The following EXOC6B variants were observed in gnomAD, a reference collection of about 807,000 sequenced individuals.
The protein encoded by EXOC6B is exocyst complex component 6B.
EXOC6B carries 54 observed loss-of-function variants against 113.5 expected under a neutral mutation model. The ratio of observed to expected loss-of-function variants is 0.48; its 90% CI spans 0.38 to 0.60. The LOEUF (loss-of-function observed/expected upper bound fraction) is 0.60, where lower values mean the gene tolerates loss of function less well. EXOC6B is among the 20% of genes least tolerant of loss of function. The probability of loss-of-function intolerance (pLI) is 0.00; values close to 1 mark genes in which losing one functional copy is unlikely to be tolerated. For missense variants in EXOC6B, 797 were observed against 977.5 expected (o/e 0.82, Z 2.46); for synonymous variants, 357 against 339.0 (o/e 1.05, Z -0.58).
intron 6 of EXOC6B, among the ~76,000 whole-genome samples, chr2:72,599,787 G>A (rs1670297104): frequency 6.6e-6 from 1 of 151,796 alleles, no homozygotes; most frequent in African/African-American, 2.4e-5. Context: ...TCAAAACCCA[G>A]TGCCATTTAC....
At chr2:72,461,037 G>A (rs1166055523) in intron 18 of EXOC6B, among the ~76,000 whole-genome samples, 1 of 151,900 alleles carries the variant, frequency 6.6e-6, no homozygotes, top group Non-Finnish European at 1.5e-5. Context: ...CATAAAAAAT[G>A]ATGAGTTCAT....
intron 1 of EXOC6B, among the ~76,000 whole-genome samples, chr2:72,756,092 T>A (rs1682395210): frequency 6.6e-6 from 1 of 152,076 alleles, no homozygotes; most frequent in Non-Finnish European, 1.5e-5. Context: ...TTTAACTGTG[T>A]TGGGGCGGGG....
intron 11 of EXOC6B, among the ~76,000 whole-genome samples, chr2:72,508,162 G>T (rs1320838599): frequency 7.8e-3 from 131 of 16,762 alleles, no homozygotes; most frequent in Non-Finnish European, 0.011. Context: ...AATATTACCC[G>T]CAAAAAAAAA....
chr2:72,477,650 T>G (rs534187009), intron 17 of EXOC6B, among the ~76,000 whole-genome samples: 1 of 152,256 alleles, frequency 6.6e-6, no homozygotes, highest in Admixed American at 6.5e-5. Context: ...CAGAATACAA[T>G]GTACAGTATT....
chr2:72,514,978 CA>C, intron 9 of EXOC6B, 64 bp downstream of exon 9: 1 of 1,347,160 alleles, frequency 7.4e-7, no homozygotes, highest in African/African-American at 1.4e-5. Flanking sequence ...CACACACACA[CA>C]CGCATCAAAA....
chr2:72,566,399 A>G (rs929570671), intron 7 of EXOC6B, among the ~76,000 whole-genome samples: 1 of 152,092 alleles, frequency 6.6e-6, no homozygotes, highest in Non-Finnish European at 1.5e-5. Flanking sequence ...TCAATTATGG[A>G]TATACCACAG....
chr2:72,204,752 T>G (rs1679728874), intron 20 of EXOC6B, among the ~76,000 whole-genome samples: 1 of 152,148 alleles, frequency 6.6e-6, no homozygotes, highest in Non-Finnish European at 1.5e-5. Context: ...AGTATTATTG[T>G]GCCTTGCTTT....
chr2:72,196,855 G>A (rs1217880667), intron 20 of EXOC6B, among the ~76,000 whole-genome samples: 1 of 152,170 alleles, frequency 6.6e-6, no homozygotes, highest in Non-Finnish European at 1.5e-5. Context: ...TTGGACATAA[G>A]TGGGATTAAA....
intron 20 of EXOC6B, among the ~76,000 whole-genome samples, chr2:72,212,858 A>G (rs958289305): frequency 2.0e-5 from 3 of 152,240 alleles, no homozygotes; most frequent in Non-Finnish European, 4.4e-5. Context: ...TAAGTGGTGT[A>G]GTAGAGTGTG....
At chr2:72,255,149 T>C (rs1683277103) in intron 20 of EXOC6B, among the ~76,000 whole-genome samples, 4 of 152,160 alleles carry the variant, frequency 2.6e-5, no homozygotes, top group Admixed American at 2.6e-4. Context: ...CAGAAACAGA[T>C]GGGGTTATCC....
chr2:72,281,658 G>A (rs76603235), intron 20 of EXOC6B, among the ~76,000 whole-genome samples: 3,159 of 152,280 alleles, frequency 0.021, 149 homozygotes, highest in Admixed American at 0.089. Flanking sequence ...GTGGAAGATG[G>A]AGAATGGGGG....
At chr2:72,237,141 A>T (rs1266685286) in intron 20 of EXOC6B, among the ~76,000 whole-genome samples, 2 of 152,148 alleles carry the variant, frequency 1.3e-5, no homozygotes, top group East Asian at 3.8e-4. Flanking sequence ...TGATTCATTC[A>T]CTCAAAAATA....
At chr2:72,641,461 T>C (rs1227458039) in intron 6 of EXOC6B, among the ~76,000 whole-genome samples, 1 of 152,234 alleles carries the variant, frequency 6.6e-6, no homozygotes, top group East Asian at 1.9e-4. Flanking sequence ...TGCTCACTGC[T>C]AGTGCAGCAG....
chr2:72,670,189 C>T (rs1464188344), intron 6 of EXOC6B, among the ~76,000 whole-genome samples: 3 of 152,132 alleles, frequency 2.0e-5, no homozygotes, highest in East Asian at 3.8e-4. Context: ...CTTCACTATG[C>T]TGTCAATATT....
chr2:72,760,560 A>C (rs1682681550), intron 1 of EXOC6B: 1 of 163,678 alleles, frequency 6.1e-6, no homozygotes, highest in African/African-American at 2.4e-5. Flanking sequence ...CAAATGTCTG[A>C]CCTGAAATGA....
chr2:72,638,334 A>T (rs1242492581), intron 6 of EXOC6B, among the ~76,000 whole-genome samples: 1 of 152,206 alleles, frequency 6.6e-6, no homozygotes, highest in Non-Finnish European at 1.5e-5. Context: ...ACAGACCAGT[A>T]ACAAGTAATG....
rs185379694 is a variant in EXOC6B, at chr2:72,566,540, G to C, written c.847-7019C>G. On this transcript the variant is annotated intron_variant, in intron 7 of 21. Coordinates refer to ENST00000272427, the MANE Select transcript of EXOC6B (RefSeq NM_015189.3). ...ATGCTGGTTCAATACCCAGGAGTGG[G>C]ATTGCTAGGTCATATATATGACCAC... Among the ~76,000 whole-genome samples the C allele has an allele frequency of 2.6e-5, 4 of 151,524 alleles. No individual in the cohort carries two copies. The East Asian group carries it at 7.9e-4, about 30-fold the overall frequency.
At chr2:72,223,975 G>A (rs912278195) in intron 20 of EXOC6B, among the ~76,000 whole-genome samples, 1 of 152,106 alleles carries the variant, frequency 6.6e-6, no homozygotes, top group Non-Finnish European at 1.5e-5. Context: ...AAGGCTGTTT[G>A]TTTATAAACA....
At chr2:72,713,539 G>A (rs971238836) in intron 6 of EXOC6B, among the ~76,000 whole-genome samples, 9 of 151,710 alleles carry the variant, frequency 5.9e-5, no homozygotes, top group African/African-American at 7.3e-5. Context: ...CCATTAACTC[G>A]TCATTTAGCA....
Sources: gnomAD v4.1 joint callset for allele counts (sites outside exome capture counted in the v4.1 genomes callset) on GRCh38, gnomAD v4.1.1 for gene constraint, MANE v1.5 for transcripts, NCBI Gene and HGNC (gene_info 2026-07-23, HGNC 2026-07-21) for gene names.